Variants in AUTS2 observed in about 807,000 individuals in gnomAD.
AUTS2 encodes the protein activator of transcription and developmental regulator AUTS2.
A neutral mutation model predicts 112.4 loss-of-function variants in AUTS2; 17 were observed. The observed-to-expected ratio is 0.15, with a 90% CI of 0.10 to 0.23. The LOEUF is 0.23. Among genes scored for constraint, AUTS2 ranks in the 10% least tolerant of loss-of-function variants. The pLI is 1.00. For synonymous variants in AUTS2, 751 were observed against 702.7 expected (o/e 1.07, Z -1.09); for missense variants, 1,510 against 1,701.6 (o/e 0.89, Z 1.98).
intron 6 of AUTS2, among the ~76,000 whole-genome samples, chr7:70,744,334 CCT>C (rs1384297749): frequency 2.0e-5 from 3 of 152,128 alleles, no homozygotes; most frequent in Non-Finnish European, 4.4e-5. Flanking sequence ...TCAGTGGCCC[CCT>C]GAGGCCACCA....
rs1247213490 is a variant in AUTS2 at position 69,803,166 on chromosome 7, TA to T, written c.310-96119del. The stretch of plus-strand genomic sequence containing the variant: ...TTTGGGGTCTCAGCAGAATTATAAA[TA>T]CCTGCATTTCATAGTCTTCCTGAAG... On this transcript the variant is annotated intron_variant, in intron 1 of 18. Coordinates refer to ENST00000342771, the MANE Select transcript of AUTS2 (RefSeq NM_015570.4). 2.6e-5 allele frequency among the ~76,000 whole-genome samples: 4 copies of T among 152,340 alleles called. No individual in the cohort carries two copies. In the South Asian group the frequency reaches 6.2e-4, roughly 24 times the overall value.
intron 1 of AUTS2, among the ~76,000 whole-genome samples, chr7:69,742,136 G>C (rs560005687): frequency 2.7e-5 from 4 of 150,220 alleles, no homozygotes; most frequent in Admixed American, 6.6e-5. Context: ...TTTTTGAGGG[G>C]GGAGGGCAGA....
rs1432032864 is a variant in AUTS2 at position 70,768,047 on chromosome 7, T to G, written c.1713T>G (p.Val571=). ...AGTTTGACAAATACCCTACAAAAGT[T>G]GACCCATTCTACCGGCACAGTGTGA... ...PPMFDKYPTK[V]DPFYRHSLFH... is the part of the protein sequence containing the mutation. Residue 571 remains valine, a synonymous_variant, in exon 10 of 19, where the codon GTT becomes GTG. Coordinates refer to ENST00000342771, the MANE Select transcript of AUTS2 (RefSeq NM_015570.4). 6.2e-7 allele frequency: 1 copy of G among 1,608,070 alleles called. No individual in the cohort carries two copies. The highest frequency in any genetic ancestry group is 1.7e-5 in the Admixed American group (1 of 58,038).
chr7:69,939,855 A>G (rs190281458), intron 2 of AUTS2, among the ~76,000 whole-genome samples: 104 of 152,276 alleles, frequency 6.8e-4, no homozygotes, highest in Non-Finnish European at 1.3e-3. Context: ...TTATAACCAT[A>G]CTGAGTGAGA....
chr7:70,221,436 T>G (rs1811481025), intron 4 of AUTS2, among the ~76,000 whole-genome samples: 1 of 152,230 alleles, frequency 6.6e-6, no homozygotes, highest in Non-Finnish European at 1.5e-5. Flanking sequence ...GAAAGGCTGA[T>G]CCTTTTGTAG....
intron 1 of AUTS2, among the ~76,000 whole-genome samples, chr7:69,655,385 T>G (rs1268498885): frequency 1.3e-5 from 2 of 151,386 alleles, no homozygotes; most frequent in East Asian, 1.9e-4. Context: ...TTTCTAGTTT[T>G]TTGTTGTTGT....
intron 2 of AUTS2, among the ~76,000 whole-genome samples, chr7:69,910,617 T>G (rs1795314521): frequency 1.3e-5 from 2 of 152,138 alleles, no homozygotes; most frequent in Admixed American, 1.3e-4. Context: ...ACACCTGTTT[T>G]TATTTTATTA....
intron 1 of AUTS2, among the ~76,000 whole-genome samples, chr7:69,806,042 G>A (rs1717863589): frequency 6.6e-6 from 1 of 151,864 alleles, no homozygotes; most frequent in East Asian, 1.9e-4. Flanking sequence ...TGGGACTATA[G>A]GCACGTGACA....
At chr7:70,496,913 A>G (rs111211658) in intron 5 of AUTS2, among the ~76,000 whole-genome samples, 21,960 of 97,508 alleles carry the variant, frequency 0.23, 3,675 homozygotes, top group African/African-American at 0.28. Flanking sequence ...CACCCCTCAC[A>G]CACACCACGT....
intron 4 of AUTS2, among the ~76,000 whole-genome samples, chr7:70,211,220 C>A (rs563613163): frequency 6.6e-6 from 1 of 152,028 alleles, no homozygotes; most frequent in Admixed American, 6.6e-5. Context: ...CTATGTATTT[C>A]CCCTTATAAA....
chr7:70,461,727 C>T lies in AUTS2; in HGVS notation c.690+25946C>T, dbSNP rs74664755. 2.2e-3 allele frequency among the ~76,000 whole-genome samples: 335 copies of T among 152,160 alleles called. 3 individuals carry two copies. The East Asian group carries it at 0.033, about 15-fold the overall frequency. ...TAATGAGATAAATTACCCTAGGACACATAACAAGGGTGTGGTAGGATAGAA... is the reference window on the plus strand; with the variant it reads ...TAATGAGATAAATTACCCTAGGACATATAACAAGGGTGTGGTAGGATAGAA... On this transcript the variant is annotated intron_variant, in intron 5 of 18. Coordinates refer to ENST00000342771, the MANE Select transcript of AUTS2 (RefSeq NM_015570.4).
intron 1 of AUTS2, among the ~76,000 whole-genome samples, chr7:69,705,487 A>G (rs916809812): frequency 6.6e-6 from 1 of 152,186 alleles, no homozygotes; most frequent in African/African-American, 2.4e-5. Flanking sequence ...TGATTTGACC[A>G]AGTTCAAGGC....
intron 5 of AUTS2, among the ~76,000 whole-genome samples, chr7:70,482,100 G>A (rs1231337748): frequency 1.3e-5 from 2 of 152,156 alleles, no homozygotes; most frequent in Non-Finnish European, 2.9e-5. Flanking sequence ...GGGATGGGGT[G>A]CGTTTTGATT....
intron 2 of AUTS2, among the ~76,000 whole-genome samples, chr7:69,981,536 C>G (rs2129550257): frequency 6.6e-6 from 1 of 152,218 alleles, no homozygotes; most frequent in Admixed American, 6.5e-5. Flanking sequence ...ACTGTTATCT[C>G]TAGAGTGAAG....
At chr7:70,782,122 G>A (rs768986774) in intron 15 of AUTS2, 40 of 239,562 alleles carry the variant, frequency 1.7e-4, no homozygotes, top group Non-Finnish European at 2.9e-4. Flanking sequence ...AGAAGGATGC[G>A]GTCGCCCTTA....
chr7:69,691,876 A>G (rs140791806), intron 1 of AUTS2, among the ~76,000 whole-genome samples: 2 of 152,040 alleles, frequency 1.3e-5, no homozygotes, highest in African/African-American at 4.8e-5. Context: ...TGTCTCTTAC[A>G]GGTAGCATCT....
intron 5 of AUTS2, among the ~76,000 whole-genome samples, chr7:70,541,907 T>C (rs888433997): frequency 2.0e-5 from 3 of 152,220 alleles, no homozygotes; most frequent in African/African-American, 7.2e-5. Context: ...AAAAGCACGG[T>C]GTCTTCAACA....
chr7:69,880,092 G>A lies in AUTS2; in HGVS notation c.310-19194G>A, dbSNP rs191466409. Among the ~76,000 whole-genome samples, 324 of 152,290 alleles carry A rather than the reference G, an allele frequency of 2.1e-3. 1 individual carries two copies. The highest frequency in any genetic ancestry group is 7.4e-3 in the African/African-American group (306 of 41,558). ...CTGTACAAGAAGCATGGTTGGGGAG[G>A]CTTCAGGAAATCTTCATTCATGGTG... On this transcript the variant is annotated intron_variant, in intron 1 of 18. Coordinates refer to ENST00000342771, the MANE Select transcript of AUTS2 (RefSeq NM_015570.4).
intron 1 of AUTS2, among the ~76,000 whole-genome samples, chr7:69,886,793 G>GTGTA (rs1241265345): frequency 2.0e-5 from 3 of 151,594 alleles, no homozygotes; most frequent in Non-Finnish European, 4.4e-5. Flanking sequence ...GTGTGTGTGT[G>GTGTA]TGTGTGTGTG....
Sources: gnomAD v4.1 joint callset for allele counts (sites outside exome capture counted in the v4.1 genomes callset) on GRCh38, gnomAD v4.1.1 for gene constraint, MANE v1.5 for transcripts, NCBI Gene and HGNC (gene_info 2026-07-23, HGNC 2026-07-21) for gene names.